CRIM1: variants seen among roughly 807,000 people sequenced by gnomAD.
The protein encoded by CRIM1 is cysteine-rich motor neuron 1 protein.
In CRIM1, 32 loss-of-function variants were observed where a neutral mutation model predicts 116.4. The ratio of observed to expected loss-of-function variants is 0.27; its 90% CI spans 0.21 to 0.37. The LOEUF (loss-of-function observed/expected upper bound fraction) is 0.37, where lower values mean the gene tolerates loss of function less well. Ranked by LOEUF, CRIM1 falls within the 10% of genes least tolerant of loss-of-function variation. The probability of loss-of-function intolerance (pLI) is 1.00; values close to 1 mark genes in which losing one functional copy is unlikely to be tolerated. For synonymous variants in CRIM1, 590 were observed against 509.2 expected, an observed-to-expected ratio of 1.16 and a Z score of -2.13; for missense variants, 1,331 against 1,354.8, an observed-to-expected ratio of 0.98 and a Z score of 0.28.
intron 14 of CRIM1, among the ~76,000 whole-genome samples, chr2:36,543,784 T>C (rs1339901629): frequency 6.6e-6 from 1 of 152,028 alleles, no homozygotes; most frequent in Non-Finnish European, 1.5e-5. Context: ...TCAAACTGGA[T>C]AATGTAAATA....
At chr2:36,534,862 C>T (rs1314659512) in intron 13 of CRIM1, among the ~76,000 whole-genome samples, 1 of 152,066 alleles carries the variant, frequency 6.6e-6, no homozygotes, top group Non-Finnish European at 1.5e-5. Flanking sequence ...TGTACGGTAA[C>T]ACTGTTACTC....
Position 36,522,225 on chromosome 2 carries a change from C to G in CRIM1, c.2340C>G (p.Ser780Arg). 6.2e-7 allele frequency: 1 copy of G among 1,614,072 alleles called. No homozygotes were observed. Among genetic ancestry groups the G allele is most frequent in the Non-Finnish European group, 8.5e-7 (1 of 1,179,970 alleles). Residue 780 changes from serine (S) to arginine (R), a missense_variant, in exon 13 of 17, where the codon AGC (serine) becomes AGG (arginine). Ser to Arg is a moderately radical substitution (Grantham distance 110). This residue lies in a region of CRIM1 where 358 missense variants were observed against 436.1 expected (regional missense o/e 0.82). Transcript: ENST00000280527. Reference sequence around the variant, plus strand: ...GTACCAGCTGCATCTGCATTGATAGCGTAATTAGCTGTTTCTCTGAGTCCT... The same window carrying G: ...GTACCAGCTGCATCTGCATTGATAGGGTAATTAGCTGTTTCTCTGAGTCCT... ...DVCTSCICIDSVISCFSESCP... is the reference protein window; with the variant it reads ...DVCTSCICIDRVISCFSESCP...
intron 5 of CRIM1, 93 bp downstream of exon 5, chr2:36,464,748 G>T (rs1256205272): frequency 1.3e-6 from 2 of 1,489,336 alleles, no homozygotes; most frequent in Non-Finnish European, 1.9e-6. Context: ...CTTTTACAAA[G>T]CAGGGATTAC....
intron 4 of CRIM1, among the ~76,000 whole-genome samples, chr2:36,444,345 T>C (rs1272949780): frequency 6.6e-6 from 1 of 152,212 alleles, no homozygotes; most frequent in Non-Finnish European, 1.5e-5. Flanking sequence ...TGTTCTGTAA[T>C]GAATTGGCTG....
intron 2 of CRIM1, among the ~76,000 whole-genome samples, chr2:36,401,497 TA>T (rs765559268): frequency 6.6e-6 from 1 of 152,266 alleles, no homozygotes; most frequent in East Asian, 1.9e-4. Flanking sequence ...CCACAAAAGT[TA>T]AATTAGTGCA....
intron 2 of CRIM1, among the ~76,000 whole-genome samples, chr2:36,399,401 G>C (rs1221960360): frequency 6.6e-6 from 1 of 152,210 alleles, no homozygotes; most frequent in East Asian, 1.9e-4. Flanking sequence ...AACTGGACTA[G>C]AGTGGCAGCA....
chr2:36,424,599 C>T (rs1167588071), intron 2 of CRIM1, among the ~76,000 whole-genome samples: 2 of 152,184 alleles, frequency 1.3e-5, no homozygotes, highest in Non-Finnish European at 1.5e-5. Context: ...CTTCACACAT[C>T]ACTCTCCTTT....
intron 2 of CRIM1, among the ~76,000 whole-genome samples, chr2:36,429,762 A>G (rs182162651): frequency 6.6e-6 from 1 of 152,296 alleles, no homozygotes; most frequent in Non-Finnish European, 1.5e-5. Context: ...CTGAGGCTTC[A>G]CCCAAGACCA....
chr2:36,406,825 A>G (rs1672843329), intron 2 of CRIM1, among the ~76,000 whole-genome samples: 3 of 152,308 alleles, frequency 2.0e-5, no homozygotes, highest in South Asian at 2.1e-4. Context: ...GGCTAGTTAC[A>G]TCTGAAAGTG....
At chr2:36,427,399 C>T (rs937685525) in intron 2 of CRIM1, among the ~76,000 whole-genome samples, 1 of 152,084 alleles carries the variant, frequency 6.6e-6, no homozygotes, top group African/African-American at 2.4e-5. Context: ...AACTTCCCCT[C>T]ATAAAACCAA....
Position 36,472,774 on chromosome 2 carries a change from A to G in CRIM1, c.992-4115A>G, listed in dbSNP as rs1315850126. Among the ~76,000 whole-genome samples the G allele has an allele frequency of 2.0e-5, 3 of 152,198 alleles. No homozygotes were observed. In the East Asian group the frequency reaches 5.8e-4, roughly 29 times the overall value. On this transcript the variant is annotated intron_variant, in intron 5 of 16. Coordinates refer to ENST00000280527, the MANE Select transcript of CRIM1 (RefSeq NM_016441.3). The stretch of plus-strand genomic sequence containing the variant: ...AGAGTACAGTATTTTGCCTCGCTCT[A>G]CAGCCTGCAAATTTAATGTATAAAA...
chr2:36,506,332 G>A (rs1681418815), intron 8 of CRIM1, among the ~76,000 whole-genome samples: 1 of 152,006 alleles, frequency 6.6e-6, no homozygotes, highest in South Asian at 2.1e-4. Flanking sequence ...CACACAGAGA[G>A]TGGCCCCAAC....
chr2:36,514,481 G>A (rs938622401), intron 11 of CRIM1, among the ~76,000 whole-genome samples: 3 of 152,082 alleles, frequency 2.0e-5, no homozygotes, highest in African/African-American at 7.2e-5. Flanking sequence ...CTTTGAGTTA[G>A]GGAAAAACAC....
At chr2:36,474,847 CAAAA>C (rs56084308) in intron 5 of CRIM1, among the ~76,000 whole-genome samples, 25 of 90,736 alleles carry the variant, frequency 2.8e-4, no homozygotes, top group African/African-American at 9.7e-4. Context: ...GACTCTATAT[CAAAA>C]AAAAAAAAAA....
chr2:36,542,949 A>G (rs1230562066), intron 14 of CRIM1, among the ~76,000 whole-genome samples: 2 of 152,150 alleles, frequency 1.3e-5, no homozygotes, highest in African/African-American at 2.4e-5. Flanking sequence ...TAAAAATTTG[A>G]GAGTCACTGG....
intron 8 of CRIM1, among the ~76,000 whole-genome samples, chr2:36,499,844 A>C (rs1475397271): frequency 6.6e-6 from 1 of 152,158 alleles, no homozygotes; most frequent in Non-Finnish European, 1.5e-5. Flanking sequence ...AAATAAAATA[A>C]TACACACACA....
chr2:36,356,775 G>A lies in CRIM1; in HGVS notation c.331+152G>A, dbSNP rs1668841960. On this transcript the variant is annotated intron_variant, in intron 1 of 16. Coordinates refer to ENST00000280527, the MANE Select transcript of CRIM1 (RefSeq NM_016441.3). The surrounding 1 kb of genome is among the most constrained non-coding windows in gnomAD (Gnocchi z 4.3). ...GCCGCCCCCAGGAGAGTGCCCCCGC[G>A]GCCCTGCGTTCCCTCTCCTTGTTCC... 6 of 733,822 alleles carry A rather than the reference G, an allele frequency of 8.2e-6. No homozygotes were observed. Among genetic ancestry groups the A allele is most frequent in the Middle Eastern group, 6.9e-4 (2 of 2,882 alleles). 45.5% of individuals were successfully genotyped at this position (733,822 alleles called of 1,614,324 possible).
intron 2 of CRIM1, among the ~76,000 whole-genome samples, chr2:36,397,060 G>C (rs1175906082): frequency 2.6e-5 from 4 of 152,120 alleles, no homozygotes; most frequent in African/African-American, 9.7e-5. Flanking sequence ...TTTCACAAGC[G>C]GTGTGCTTGA....
intron 2 of CRIM1, among the ~76,000 whole-genome samples, chr2:36,407,460 T>A (rs1672896890): frequency 6.6e-6 from 1 of 152,162 alleles, no homozygotes; most frequent in Non-Finnish European, 1.5e-5. Context: ...GGGAGAATTG[T>A]CCTTAGAAAC....
Sources: allele counts gnomAD v4.1 joint callset (sites outside exome capture counted in the v4.1 genomes callset), GRCh38; gene constraint gnomAD v4.1.1; regional missense constraint gnomAD v4.1.1; non-coding constraint Gnocchi (gnomAD v3.1); transcripts MANE v1.5; gene names NCBI Gene and HGNC (gene_info 2026-07-23, HGNC 2026-07-21).